Variants in DOCK8 observed in about 807,000 individuals in gnomAD.
DOCK8 encodes the protein dedicator of cytokinesis protein 8.
A neutral mutation model predicts 245.6 loss-of-function variants in DOCK8; 141 were observed. The observed-to-expected ratio is 0.57, with a 90% CI of 0.50 to 0.66. The LOEUF (loss-of-function observed/expected upper bound fraction) is 0.66. Among genes scored for constraint, DOCK8 ranks in the 30% least tolerant of loss-of-function variants. The pLI, the probability that DOCK8 is intolerant of heterozygous loss-of-function variation, is 0.00. For missense variants in DOCK8, 2,965 were observed against 2,603.4 expected, an observed-to-expected ratio of 1.14 and a Z score of -3.02; for synonymous variants, 1,168 against 970.2, an observed-to-expected ratio of 1.20 and a Z score of -3.79.
intron 14 of DOCK8, among the ~76,000 whole-genome samples, chr9:357,632 G>T (rs2131077158): frequency 1.3e-5 from 2 of 152,156 alleles, no homozygotes; most frequent in East Asian, 3.9e-4. Context: ...TTTGTGAGGG[G>T]TGTAGAGGTC....
intron 26 of DOCK8, among the ~76,000 whole-genome samples, chr9:404,640 G>A (rs190277766): frequency 1.7e-4 from 26 of 152,104 alleles, no homozygotes; most frequent in East Asian, 9.6e-4. Flanking sequence ...TTCAGCACAG[G>A]CTTCCCATGG....
At chr9:296,093 G>A (rs2049249913) in intron 4 of DOCK8, among the ~76,000 whole-genome samples, 1 of 152,124 alleles carries the variant, frequency 6.6e-6, no homozygotes, top group Non-Finnish European at 1.5e-5. Flanking sequence ...CATGTTTACA[G>A]CACCAAATTT....
intron 1 of DOCK8, among the ~76,000 whole-genome samples, chr9:256,292 A>G (rs2047773455): frequency 6.6e-6 from 1 of 152,238 alleles, no homozygotes; most frequent in Admixed American, 6.5e-5. Flanking sequence ...GAAAAGGCTC[A>G]GTGCTAGAGC....
At chr9:423,106 C>T (rs2056343673) in intron 33 of DOCK8, among the ~76,000 whole-genome samples, 1 of 151,256 alleles carries the variant, frequency 6.6e-6, no homozygotes, top group African/African-American at 2.4e-5. Flanking sequence ...CTGGGAATAT[C>T]GGTAATTGAT....
intron 38 of DOCK8, 124 bp from the exon 39 acceptor site, chr9:434,659 A>C: frequency 1.0e-6 from 1 of 972,204 alleles, no homozygotes; most frequent in Non-Finnish European, 1.6e-6. Flanking sequence ...ATATAGGGCA[A>C]AATCTCAGGT....
At chr9:272,625 G>A (rs963345487) in intron 2 of DOCK8, among the ~76,000 whole-genome samples, 1 of 152,106 alleles carries the variant, frequency 6.6e-6, no homozygotes. Flanking sequence ...GGGCTCAAGC[G>A]ATCCTCCTGC....
chr9:367,215 T>G (rs2053048167), intron 14 of DOCK8, among the ~76,000 whole-genome samples: 1 of 152,196 alleles, frequency 6.6e-6, no homozygotes, highest in South Asian at 2.1e-4. Context: ...TTATTATTGT[T>G]TCTTCAAGCC....
intron 35 of DOCK8, 110 bp downstream of exon 35, chr9:428,606 A>G: frequency 1.5e-6 from 2 of 1,374,862 alleles, no homozygotes; most frequent in Non-Finnish European, 2.0e-6. Flanking sequence ...ATTAAGTGGC[A>G]TCACAGTAAA....
intron 8 of DOCK8, among the ~76,000 whole-genome samples, chr9:327,122 C>A (rs1001519749): frequency 6.6e-6 from 1 of 152,132 alleles, no homozygotes; most frequent in African/African-American, 2.4e-5. Flanking sequence ...CAAGCTAGAC[C>A]GCTGACTAAG....
At chr9:283,924 A>G (rs578029322) in intron 2 of DOCK8, among the ~76,000 whole-genome samples, 102 of 152,360 alleles carry the variant, frequency 6.7e-4, no homozygotes, top group African/African-American at 2.4e-3. Flanking sequence ...ACTCTGAAAC[A>G]CCAATTGAAC....
chr9:373,627 A>C (rs2053393317), intron 18 of DOCK8, among the ~76,000 whole-genome samples: 1 of 152,204 alleles, frequency 6.6e-6, no homozygotes, highest in Non-Finnish European at 1.5e-5. Flanking sequence ...ATTTAATTTC[A>C]ACCGTTCCAG....
intron 24 of DOCK8, among the ~76,000 whole-genome samples, chr9:392,027 A>C (rs2054215107): frequency 6.6e-6 from 1 of 151,208 alleles, no homozygotes; most frequent in African/African-American, 2.4e-5. Flanking sequence ...AATCCCATCT[A>C]CTCAGGAGGC....
At chr9:229,860 G>T (rs1355828708) in intron 1 of DOCK8, among the ~76,000 whole-genome samples, 3 of 151,472 alleles carry the variant, frequency 2.0e-5, no homozygotes, top group Admixed American at 1.3e-4. Flanking sequence ...CAAATTAGGG[G>T]TTTATTTTTT....
chr9:256,660 T>C (rs1587673596), intron 1 of DOCK8, among the ~76,000 whole-genome samples: 2 of 152,232 alleles, frequency 1.3e-5, no homozygotes, highest in South Asian at 2.1e-4. Flanking sequence ...TCCCCTCCTA[T>C]AGAGGCACCA....
intron 40 of DOCK8, 92 bp downstream of exon 40, chr9:439,480 G>C (rs1296257869): frequency 1.3e-6 from 2 of 1,546,098 alleles, no homozygotes; most frequent in East Asian, 4.6e-5. Context: ...GGCCCAGTCA[G>C]CCCCACTTCC....
chr9:403,945 T>TATATATAA (rs1564021505), intron 26 of DOCK8, among the ~76,000 whole-genome samples: 4 of 85,250 alleles, frequency 4.7e-5, no homozygotes, highest in African/African-American at 3.2e-4. Flanking sequence ...TATATATATG[T>TATATATAA]GTATATATAT....
At chr9:336,833 C>CT in intron 12 of DOCK8, 115 bp downstream of exon 12, 1 of 1,252,436 alleles carries the variant, frequency 8.0e-7, no homozygotes, top group South Asian at 1.2e-5. Context: ...AGCTCACTCT[C>CT]TTAGTTCATT....
intron 1 of DOCK8, among the ~76,000 whole-genome samples, chr9:236,473 G>C (rs1259893145): frequency 1.3e-5 from 2 of 152,122 alleles, no homozygotes; most frequent in Non-Finnish European, 2.9e-5. Context: ...ATATTGATAG[G>C]CCACTAGTAG....
intron 27 of DOCK8, among the ~76,000 whole-genome samples, chr9:406,414 G>C (rs991173211): frequency 1.3e-5 from 2 of 151,370 alleles, no homozygotes; most frequent in African/African-American, 4.9e-5. Context: ...TTGAACCCGG[G>C]AGAGGGAGGT....
Sources: gnomAD v4.1 joint callset for allele counts (sites outside exome capture counted in the v4.1 genomes callset) on GRCh38, gnomAD v4.1.1 for gene constraint, MANE v1.5 for transcripts, NCBI Gene and HGNC (gene_info 2026-07-23, HGNC 2026-07-21) for gene names.